Variants in KHK observed in about 807,000 individuals in gnomAD.
KHK encodes the protein ketohexokinase, also known as fructokinase.
KHK carries 37 observed loss-of-function variants against 36.0 expected under a neutral mutation model. The observed-to-expected ratio is 1.03, with a 90% CI of 0.79 to 1.35. The LOEUF is 1.35. Ranked by LOEUF, KHK falls within the 40% of genes most tolerant of loss-of-function variation. KHK has a pLI of 0.00. For missense variants in KHK, 395 were observed against 391.9 expected (o/e 1.01, Z -0.07); for synonymous variants, 161 against 162.8 (o/e 0.99, Z 0.08).
rs148222785 is a variant in KHK, at chr2:27,097,592, C to T, written c.507C>T (p.Ser169=). Residue 169 remains serine (S), a synonymous_variant, in exon 5 of 8, where the codon TCC becomes TCT. Coordinates refer to ENST00000260598, the MANE Select transcript of KHK (RefSeq NM_006488.3). ...CTCCAGAGCAGAAGATCCGGGTGTC[C>T]GTGGAGGTGGAGAAGCCACGAGAGG... ...RQPPEQKIRV[S]VEVEKPREEL... 2.1e-4 allele frequency: 342 copies of T among 1,614,014 alleles called. 1 individual carries two copies. The African/African-American group carries it at 3.3e-3, about 16-fold the overall frequency.
At chr2:27,091,385 G>A (rs753179481) in intron 1 of KHK, among the ~76,000 whole-genome samples, 14 of 152,088 alleles carry the variant, frequency 9.2e-5, no homozygotes, top group Admixed American at 7.2e-4. Context: ...CACTGTGCCT[G>A]TCCTACTATC....
intron 3 of KHK, among the ~76,000 whole-genome samples, chr2:27,095,642 T>C (rs1205390476): frequency 6.6e-6 from 1 of 152,230 alleles, no homozygotes; most frequent in Non-Finnish European, 1.5e-5. Context: ...TGCAGGATTT[T>C]AGAGGTTTAG....
At chr2:27,090,615 C>T (rs942110737) in intron 1 of KHK, among the ~76,000 whole-genome samples, 1 of 151,814 alleles carries the variant, frequency 6.6e-6, no homozygotes, top group African/African-American at 2.4e-5. Context: ...CCACCACACC[C>T]GGCTCATTTT....
intron 3 of KHK, among the ~76,000 whole-genome samples, chr2:27,095,420 G>GC (rs1480348712): frequency 6.6e-6 from 1 of 152,124 alleles, no homozygotes; most frequent in Non-Finnish European, 1.5e-5. Context: ...AAAGAGATCA[G>GC]CCCCCCAAAG....
rs1353898464 is a variant in KHK, at chr2:27,100,199, A to G, written c.*449A>G. 1.4e-5 allele frequency: 6 copies of G among 431,176 alleles called. No homozygotes were observed. Among genetic ancestry groups the G allele is most frequent in the Admixed American group, 3.5e-5 (1 of 28,420 alleles). The allele number at this position is 431,176 out of a possible 1,614,324, so 26.7% of individuals were successfully genotyped here. ...CAGTGAACCTGCCAAAGAAACCGTG[A>G]GAGCTCTTCGGGGCCCTGCGTTGTG... is the stretch of plus-strand genomic sequence containing the variant. On this transcript the variant is annotated 3_prime_UTR_variant, in exon 8 of 8. Transcript: ENST00000260598.
chr2:27,100,636 G>A lies in KHK; in HGVS notation c.*886G>A. ...TTTAATTAGCTGCATATCACCTTAG[G>A]GTACAGCACTTAACGCAATCTGCCT... On this transcript the variant is annotated 3_prime_UTR_variant, in exon 8 of 8. Transcript: ENST00000260598. 9.0e-7 allele frequency: 1 copy of A among 1,111,150 alleles called. No individual in the cohort carries two copies. Among genetic ancestry groups the A allele is most frequent in the Non-Finnish European group, 1.2e-6 (1 of 851,022 alleles). The allele number at this position is 1,111,150 out of a possible 1,614,324, so 68.8% of individuals were successfully genotyped here.
At chr2:27,087,389 T>C (rs1323553990) in intron 1 of KHK, 38 bp downstream of exon 1, 1 of 1,466,332 alleles carries the variant, frequency 6.8e-7, no homozygotes, top group South Asian at 1.2e-5. Context: ...CCCCAGGGGC[T>C]GCTGCAGTCC....
At chr2:27,094,693 C>G (rs1670227973) in intron 2 of KHK, 107 bp from the exon 3 acceptor site, 6 of 1,612,628 alleles carry the variant, frequency 3.7e-6, no homozygotes, top group Admixed American at 1.7e-5. Flanking sequence ...CTCTTAGAGG[C>G]TCGTGTGCTC....
rs1669697613 is a variant in KHK, at chr2:27,087,016, G to A, written c.-244G>A. ...CAGGCAACCTGCTACGGGAAGACCGGGGACCAAGACCTCTGGGTTGGCTTT... is the reference window on the plus strand; with the variant it reads ...CAGGCAACCTGCTACGGGAAGACCGAGGACCAAGACCTCTGGGTTGGCTTT... On this transcript the variant is annotated 5_prime_UTR_variant, in exon 1 of 8. Transcript: ENST00000260598. 4.6e-6 allele frequency: 2 copies of A among 430,892 alleles called. No homozygotes were observed. The highest frequency in any genetic ancestry group is 8.4e-6 in the Non-Finnish European group (2 of 238,858). 26.7% of individuals were successfully genotyped at this position (430,892 alleles called of 1,614,324 possible). A position where few individuals can be genotyped will look rare whatever the true frequency, so the allele number is the denominator to read the frequency against.
chr2:27,092,486 C>T (rs1196266760), intron 2 of KHK, 38 bp downstream of exon 2: 13 of 1,430,478 alleles, frequency 9.1e-6, no homozygotes, highest in Non-Finnish European at 1.3e-5. Flanking sequence ...GGAAGGCCTG[C>T]CTGCATCATT....
chr2:27,095,580 C>T lies in KHK; in HGVS notation c.344+646C>T, dbSNP rs755861304. Among the ~76,000 whole-genome samples, 51 of 152,234 alleles carry T rather than the reference C, an allele frequency of 3.4e-4. 1 individual carries two copies. The highest frequency in any genetic ancestry group is 2.7e-3 in the Admixed American group (41 of 15,294). On this transcript the variant is annotated intron_variant, in intron 3 of 7. Coordinates refer to ENST00000260598, the MANE Select transcript of KHK (RefSeq NM_006488.3). ...CCTCCCTTCAGGGTCCCAGGCCACT[C>T]AAGAGAGGCCCCATGGGCCTAGACA...
rs1240795973 is a variant in KHK, at chr2:27,099,287, G to A, written c.653+3G>A. On this transcript the variant is annotated splice_donor_region_variant and intron_variant, in intron 6 of 7. Transcript: ENST00000260598. Reference sequence around the variant, plus strand: ...TTGTATGGTCGTGTGAGGAAAGGGTGAGCCGGGGAAGCCAGGAAGGGGCTT... The same window carrying A: ...TTGTATGGTCGTGTGAGGAAAGGGTAAGCCGGGGAAGCCAGGAAGGGGCTT... 1 of 1,614,110 alleles carries A rather than the reference G, an allele frequency of 6.2e-7. No individual in the cohort carries two copies. The highest frequency in any genetic ancestry group is 1.7e-5 in the Admixed American group (1 of 60,022).
intron 2 of KHK, among the ~76,000 whole-genome samples, 158 bp downstream of exon 2, chr2:27,092,606 G>A (rs993460200): frequency 3.3e-5 from 5 of 152,316 alleles, no homozygotes; most frequent in Admixed American, 2.0e-4. Flanking sequence ...GCCCAGCCCT[G>A]CCTTGGCGTG....
At chr2:27,092,215 G>A (rs1304871467) in intron 1 of KHK, 117 bp from the exon 2 acceptor site, 12 of 854,212 alleles carry the variant, frequency 1.4e-5, no homozygotes, top group Middle Eastern at 2.9e-4. Context: ...GTGAGACGTC[G>A]GCCTAGATGC....
intron 5 of KHK, 100 bp downstream of exon 5, chr2:27,097,749 G>C: frequency 6.5e-7 from 1 of 1,540,808 alleles, no homozygotes; most frequent in Non-Finnish European, 8.9e-7. Context: ...TGGAATAGTG[G>C]TTCCTGGTTT....
Position 27,094,867 on chromosome 2 carries a change from G to A in KHK, c.277G>A (p.Asp93Asn). 1 of 1,614,024 alleles carries A rather than the reference G, an allele frequency of 6.2e-7. No homozygotes were observed. Among genetic ancestry groups the A allele is most frequent in the Non-Finnish European group, 8.5e-7 (1 of 1,180,050 alleles). The change falls in exon 3 of 8, where the codon GAC becomes AAC. Residue 93 changes from aspartate to asparagine, a missense_variant. Coordinates refer to ENST00000260598, the MANE Select transcript of KHK (RefSeq NM_006488.3). ...TCAGGTGGCCTGGCAGAGCAAGGGG[G>A]ACACCCCCAGCTCCTGCTGCATCAT... Reference protein sequence around the residue: ...VSQVAWQSKGDTPSSCCIINN... With the variant: ...VSQVAWQSKGNTPSSCCIINN...
At chr2:27,089,860 T>C (rs1390102627) in intron 1 of KHK, among the ~76,000 whole-genome samples, 1 of 152,236 alleles carries the variant, frequency 6.6e-6, no homozygotes, top group East Asian at 1.9e-4. Flanking sequence ...TGTCCTTTTT[T>C]TTATTTTTTG....
chr2:27,094,657 A>T (rs1235915258), intron 2 of KHK, 143 bp from the exon 3 acceptor site: 1 of 1,613,822 alleles, frequency 6.2e-7, no homozygotes, highest in Non-Finnish European at 8.5e-7. Flanking sequence ...CGCCGCCACC[A>T]AAACTCCCAG....
chr2:27,093,764 A>C (rs1670149818), intron 2 of KHK, among the ~76,000 whole-genome samples: 1 of 152,062 alleles, frequency 6.6e-6, no homozygotes, highest in Non-Finnish European at 1.5e-5. Flanking sequence ...GCTGGGGCTG[A>C]CCTCCTTGTC....
Sources: gnomAD v4.1 joint callset for allele counts (sites outside exome capture counted in the v4.1 genomes callset) on GRCh38, gnomAD v4.1.1 for gene constraint, MANE v1.5 for transcripts, NCBI Gene and HGNC (gene_info 2026-07-23, HGNC 2026-07-21) for gene names.